The following NAALAD2 variants were observed in gnomAD, a reference collection of about 807,000 sequenced individuals.
NAALAD2 encodes N-acetylated-alpha-linked acidic dipeptidase 2.
In NAALAD2, 89 loss-of-function variants were observed where a neutral mutation model predicts 95.6. The observed-to-expected ratio is 0.93, with a 90% CI of 0.78 to 1.11. The LOEUF (loss-of-function observed/expected upper bound fraction) is 1.11. NAALAD2 is among the 50% of genes least tolerant of loss of function. The pLI is 0.00. For missense variants in NAALAD2, 894 were observed against 872.4 expected (o/e 1.02, Z -0.31); for synonymous variants, 264 against 294.4 (o/e 0.90, Z 1.06).
chr11:90,167,204 G>A (rs1047931673), intron 11 of NAALAD2, among the ~76,000 whole-genome samples: 10 of 152,092 alleles, frequency 6.6e-5, no homozygotes, highest in African/African-American at 2.4e-4. Flanking sequence ...AGGAGCGGGC[G>A]GGAACCGGGG....
chr11:90,164,352 T>C (rs1442683510), intron 11 of NAALAD2: 1 of 152,268 alleles, frequency 6.6e-6, no homozygotes, highest in Non-Finnish European at 1.5e-5. Context: ...ATGTAGAAGG[T>C]AAGCACATTC....
intron 11 of NAALAD2, among the ~76,000 whole-genome samples, chr11:90,168,012 C>T: frequency 6.6e-6 from 1 of 152,148 alleles, no homozygotes; most frequent in South Asian, 2.1e-4. Context: ...TTCTTTTGCT[C>T]TTTGCAATAT....
rs144205167 is a variant in NAALAD2 at position 90,170,803 on chromosome 11, A to G, written c.1410+667A>G. Among the ~76,000 whole-genome samples the G allele has an allele frequency of 2.6e-4, 39 of 152,326 alleles. 1 individual carries two copies. The East Asian group carries it at 6.2e-3, about 24-fold the overall frequency. ...AGAGGGCATTCTAAGCAGAGGACAC[A>G]GTATCTAAAAAAGATGTGGAGGTTT... On this transcript the variant is annotated intron_variant, in intron 13 of 18. Transcript: ENST00000534061.
chr11:90,135,136 A>C, intron 1 of NAALAD2: 1 of 377,702 alleles, frequency 2.6e-6, no homozygotes, highest in Non-Finnish European at 4.8e-6. Flanking sequence ...TTTTATTTCC[A>C]AGCAACATTA....
chr11:90,148,057 T>C (rs532033176), intron 3 of NAALAD2, among the ~76,000 whole-genome samples: 28 of 152,252 alleles, frequency 1.8e-4, no homozygotes, highest in African/African-American at 6.3e-4. Flanking sequence ...GAACAGATCA[T>C]AGAAGGGCGT....
chr11:90,135,621 T>G lies in NAALAD2; in HGVS notation c.145T>G (p.Trp49Gly). The G allele has an allele frequency of 6.2e-7, 1 of 1,613,738 alleles. No individual in the cohort carries two copies. The highest frequency in any genetic ancestry group is 8.5e-7 in the Non-Finnish European group (1 of 1,179,812). Residue 49 changes from tryptophan (W) to glycine (G), a missense_variant, in exon 2 of 19, where the codon TGG becomes GGG. Trp to Gly is a radical substitution (Grantham distance 184, BLOSUM62 -2). Transcript: ENST00000534061. ...TGTGCGCTATCATCAAAGTATACGG[T>G]GGAAACTGGTATCCGAAATGAAAGC... is the stretch of plus-strand genomic sequence containing the variant. ...TSVRYHQSIRWKLVSEMKAEN... is the reference protein window; with the variant it reads ...TSVRYHQSIRGKLVSEMKAEN...
chr11:90,163,965 A>G, intron 11 of NAALAD2: 1 of 393,956 alleles, frequency 2.5e-6, no homozygotes. Flanking sequence ...ACAGATGCTT[A>G]GAGCTAATTT....
chr11:90,134,688 GCTCT>G lies in NAALAD2; in HGVS notation c.-68_-65del. On this transcript the variant is annotated 5_prime_UTR_variant, in exon 1 of 19. Transcript: ENST00000534061. ...AGAGCTCACAGCCTCCTGCCAGCGC[GCTCT>G]CTGTTTCTCTGCAGCCCCGAAGCTC... 1 of 1,485,630 alleles carries G rather than the reference GCTCT, an allele frequency of 6.7e-7. No homozygotes were observed. The highest frequency in any genetic ancestry group is 9.4e-7 in the Non-Finnish European group (1 of 1,066,578). The allele number at this position is 1,485,630 out of a possible 1,614,324, so 92.0% of individuals were successfully genotyped here.
intron 5 of NAALAD2, among the ~76,000 whole-genome samples, chr11:90,151,358 A>G (rs1445834860): frequency 2.0e-5 from 3 of 152,158 alleles, no homozygotes; most frequent in Non-Finnish European, 4.4e-5. Context: ...ATTTTAAATG[A>G]TGGCATCATA....
chr11:90,162,642 T>C (rs1952328896), intron 8 of NAALAD2: 1 of 167,706 alleles, frequency 6.0e-6, no homozygotes. Context: ...ATAGAATATT[T>C]TGAATTTTAA....
intron 7 of NAALAD2, 141 bp from the exon 8 acceptor site, chr11:90,159,098 C>A: frequency 3.0e-6 from 2 of 661,026 alleles, no homozygotes; most frequent in Non-Finnish European, 5.3e-6. Flanking sequence ...CCACAAAGGG[C>A]GGGCTTTTTG....
At chr11:90,189,868 C>T (rs187078391) in intron 18 of NAALAD2, among the ~76,000 whole-genome samples, 1 of 152,190 alleles carries the variant, frequency 6.6e-6, no homozygotes, top group Admixed American at 6.5e-5. Context: ...AAGTGTTGAC[C>T]ATATTCTCTA....
intron 14 of NAALAD2, 42 bp downstream of exon 14, chr11:90,173,957 A>G: frequency 4.0e-6 from 5 of 1,264,386 alleles, no homozygotes; most frequent in Non-Finnish European, 5.7e-6. Flanking sequence ...AGGATAAGTT[A>G]TGAATTCCCC....
intron 17 of NAALAD2, among the ~76,000 whole-genome samples, chr11:90,182,266 A>C (rs867551401): frequency 6.6e-6 from 1 of 152,094 alleles, no homozygotes; most frequent in African/African-American, 2.4e-5. Flanking sequence ...AACAAGCATA[A>C]ATTTATCCAC....
intron 2 of NAALAD2, 96 bp downstream of exon 2, chr11:90,135,766 C>A: frequency 1.1e-6 from 1 of 875,052 alleles, no homozygotes; most frequent in Non-Finnish European, 1.6e-6. Context: ...GGACAGTCTT[C>A]TCTGTGTGAA....
In NAALAD2 at chr11:90,162,934, CT is replaced by C; in HGVS notation, c.990-11del. 1 of 1,366,334 alleles carries C rather than the reference CT, an allele frequency of 7.3e-7. No homozygotes were observed. The allele number at this position is 1,366,334 out of a possible 1,614,324, so 84.6% of individuals were successfully genotyped here. A position where few individuals can be genotyped will look rare whatever the true frequency, so the allele number is the denominator to read the frequency against. ...ATTTGCTGTACTAAGTAATTTATTC[CT>C]TTTAAAATTCTAGGAAGGTTAGAAT... On this transcript the variant is annotated splice_polypyrimidine_tract_variant and intron_variant, in intron 8 of 18. Coordinates refer to ENST00000534061, the MANE Select transcript of NAALAD2 (RefSeq NM_005467.4).
In NAALAD2 at chr11:90,192,682, A is replaced by C. The variant is rs1457879708; in HGVS notation, c.*935A>C. On this transcript the variant is annotated 3_prime_UTR_variant, in exon 19 of 19. Transcript: ENST00000534061. ...CATGAAGTGTGAATGGTCAGGAAAA[A>C]GCCAGTAATATTCATACATTTAATA... 1 of 152,050 alleles carries C rather than the reference A, an allele frequency of 6.6e-6. No homozygotes were observed. Among genetic ancestry groups the C allele is most frequent in the Non-Finnish European group, 1.5e-5 (1 of 67,912 alleles). The allele number at this position is 152,050 out of a possible 1,614,324, so 9.4% of individuals were successfully genotyped here.
chr11:90,181,572 T>A (rs1952968990), intron 16 of NAALAD2, 48 bp from the exon 17 acceptor site: 1 of 1,342,166 alleles, frequency 7.5e-7, no homozygotes, highest in Admixed American at 1.8e-5. Context: ...AAAGCGAACC[T>A]CTGAAATATG....
chr11:90,133,984 G>A (rs982966777), upstream of NAALAD2, among the ~76,000 whole-genome samples: 2 of 152,108 alleles, frequency 1.3e-5, no homozygotes, highest in Non-Finnish European at 2.9e-5. Flanking sequence ...GAGACCCCCT[G>A]GCTTCTTCGG....
Sources: allele counts gnomAD v4.1 joint callset (sites outside exome capture counted in the v4.1 genomes callset), GRCh38; gene constraint gnomAD v4.1.1; transcripts MANE v1.5; gene names NCBI Gene and HGNC (gene_info 2026-07-23, HGNC 2026-07-21).